The following XPO6 variants were observed in gnomAD, a reference collection of about 807,000 sequenced individuals.
XPO6 encodes exportin-6.
Under a neutral mutation model 130.0 loss-of-function variants are expected in XPO6, and 3 were observed. That is an observed-to-expected ratio of 0.02 (90% CI 0.01 to 0.06). The LOEUF (loss-of-function observed/expected upper bound fraction) is 0.06, where lower values mean the gene tolerates loss of function less well. XPO6 is among the 10% of genes least tolerant of loss of function. The probability of loss-of-function intolerance (pLI) is 1.00; values close to 1 mark genes in which losing one functional copy is unlikely to be tolerated. For synonymous variants in XPO6, 524 were observed against 548.9 expected (o/e 0.95, Z 0.63); for missense variants, 970 against 1,393.0 (o/e 0.70, Z 4.83).
In XPO6 at chr16:28,167,847, C is replaced by T. The variant is rs139359156; in HGVS notation, c.566-1262G>A. 8.9e-3 allele frequency among the ~76,000 whole-genome samples: 1,290 copies of T among 144,538 alleles called. 14 individuals carry two copies. The highest frequency in any genetic ancestry group is 0.024 in the Middle Eastern group (7 of 288). The allele number at this position is 144,538 out of a possible 152,430, so 94.8% of individuals were successfully genotyped here. A position where few individuals can be genotyped will look rare whatever the true frequency, so the allele number is the denominator to read the frequency against. ...CAAAAGATCACATATTGTATGCTTC[C>T]ATTTTTATGAGAATTCCAAAAAAGG... On this transcript the variant is annotated intron_variant, in intron 5 of 23. Transcript: ENST00000304658.
At chr16:28,143,735 C>T (rs1035959641) in intron 9 of XPO6, among the ~76,000 whole-genome samples, 3 of 152,106 alleles carry the variant, frequency 2.0e-5, no homozygotes, top group Non-Finnish European at 4.4e-5. Context: ...CACCCGGGTT[C>T]AGGAGATTCT....
intron 4 of XPO6, among the ~76,000 whole-genome samples, chr16:28,174,955 C>A (rs965678983): frequency 1.3e-5 from 2 of 150,724 alleles, no homozygotes; most frequent in Non-Finnish European, 3.0e-5. Context: ...CTTCTGACTT[C>A]CAAATCCTGA....
In XPO6 at chr16:28,102,321, C is replaced by T. The variant is rs116077718; in HGVS notation, c.2947-376G>A. On this transcript the variant is annotated intron_variant, in intron 21 of 23. Coordinates refer to ENST00000304658, the MANE Select transcript of XPO6 (RefSeq NM_015171.4). ...CCCTCCCTTGCCCTCCTTCTTGCAT[C>T]CCCCGTCTCAAAAGCCACAAGCCCT... is the stretch of plus-strand genomic sequence containing the variant. Among the ~76,000 whole-genome samples the T allele has an allele frequency of 3.3e-3, 508 of 152,292 alleles. 5 individuals carry two copies. Among genetic ancestry groups the T allele is most frequent in the African/African-American group, 0.012 (496 of 41,572 alleles).
Position 28,101,376 on chromosome 16 carries a change from T to C in XPO6, c.3276+82A>G. On this transcript the variant is annotated intron_variant, in intron 23 of 23. Transcript: ENST00000304658. The surrounding 1 kb of genome is among the most constrained non-coding windows in gnomAD (Gnocchi z 5.4). ...CACAGACCACGCCCAGAGGCCTCAA[T>C]GTGCCCCCTCCTTGCTGCACAGGTG... 7.8e-7 allele frequency: 1 copy of C among 1,283,672 alleles called. No individual in the cohort carries two copies. Among genetic ancestry groups the C allele is most frequent in the Non-Finnish European group, 1.1e-6 (1 of 888,762 alleles). 79.5% of individuals were successfully genotyped at this position (1,283,672 alleles called of 1,614,324 possible).
chr16:28,125,636 G>A (rs537233409), intron 13 of XPO6, 53 bp downstream of exon 13: 2 of 1,578,654 alleles, frequency 1.3e-6, no homozygotes, highest in South Asian at 2.3e-5. Context: ...ACACAAGAAG[G>A]TAAAGCTGAA....
intron 20 of XPO6, 67 bp downstream of exon 20, chr16:28,105,976 T>G: frequency 2.5e-6 from 4 of 1,568,768 alleles, no homozygotes; most frequent in Non-Finnish European, 3.5e-6. Context: ...ACATTTTCTG[T>G]GAAATCTCAT....
Position 28,106,570 on chromosome 16 carries a change from T to G in XPO6, c.2498-73A>C. 1 of 1,231,404 alleles carries G rather than the reference T, an allele frequency of 8.1e-7. No homozygotes were observed. Among genetic ancestry groups the G allele is most frequent in the South Asian group, 1.2e-5 (1 of 82,402 alleles). The allele number at this position is 1,231,404 out of a possible 1,614,324, so 76.3% of individuals were successfully genotyped here. A position where few individuals can be genotyped will look rare whatever the true frequency, so the allele number is the denominator to read the frequency against. Reference sequence around the variant, plus strand: ...ACCAGAACCCTGGGCTTCATCAACCTACTCCTGAAATCTGCACTATCAGCT... The same window carrying G: ...ACCAGAACCCTGGGCTTCATCAACCGACTCCTGAAATCTGCACTATCAGCT... On this transcript the variant is annotated intron_variant, in intron 18 of 23. Transcript: ENST00000304658. This position sits in a 1 kb window ranked among gnomAD's most constrained non-coding sequence, Gnocchi z 4.2.
Position 28,211,559 on chromosome 16 carries a change from A to C in XPO6, c.-191T>G, listed in dbSNP as rs988036752. 4.2e-6 allele frequency: 2 copies of C among 473,946 alleles called. No homozygotes were observed. Among genetic ancestry groups the C allele is most frequent in the Non-Finnish European group, 3.5e-6 (1 of 285,068 alleles). 29.4% of individuals were successfully genotyped at this position (473,946 alleles called of 1,614,324 possible). A position where few individuals can be genotyped will look rare whatever the true frequency, so the allele number is the denominator to read the frequency against. On this transcript the variant is annotated 5_prime_UTR_variant, in exon 1 of 24. Coordinates refer to ENST00000304658, the MANE Select transcript of XPO6 (RefSeq NM_015171.4). ...GCCGCCCGGGTCGCCTCATCGGGGG[A>C]CCCCGAGACAATTCATCCAGACCCA...
rs145568622 is a variant in XPO6 at position 28,156,023 on chromosome 16, C to A, written c.1097+51G>T. 42 of 1,543,512 alleles carry A rather than the reference C, an allele frequency of 2.7e-5. No homozygotes were observed. The Admixed American group carries it at 3.0e-4, about 11-fold the overall frequency. The stretch of plus-strand genomic sequence containing the variant: ...ATGCCATGCAGCACAGCATGGTAAA[C>A]AGTCAGGGCCCTTTCTTGGGGCACA... On this transcript the variant is annotated intron_variant, in intron 7 of 23. Transcript: ENST00000304658.
intron 13 of XPO6, 107 bp downstream of exon 13, chr16:28,125,582 A>C: frequency 1.4e-6 from 2 of 1,399,098 alleles, no homozygotes; most frequent in Non-Finnish European, 1.9e-6. Context: ...GCCTAGATTT[A>C]CCCGGGGCCA....
At chr16:28,177,530 GT>G (rs915073009) in intron 2 of XPO6, among the ~76,000 whole-genome samples, 198 bp from the exon 3 acceptor site, 2 of 152,148 alleles carry the variant, frequency 1.3e-5, no homozygotes, top group African/African-American at 4.8e-5. Context: ...CACTGACAAT[GT>G]TTTCAGCCAC....
intron 21 of XPO6, among the ~76,000 whole-genome samples, chr16:28,102,351 G>T (rs181596843): frequency 6.6e-6 from 1 of 152,254 alleles, no homozygotes; most frequent in East Asian, 1.9e-4. Context: ...AGCCCTACAG[G>T]CTCCTTCATG....
chr16:28,188,743 G>A (rs965613774), intron 1 of XPO6, among the ~76,000 whole-genome samples: 4 of 146,890 alleles, frequency 2.7e-5, no homozygotes, highest in Non-Finnish European at 4.5e-5. Context: ...ACACAAGTAT[G>A]AGATGAAATA....
At chr16:28,102,497 G>A (rs1351372781) in intron 21 of XPO6, among the ~76,000 whole-genome samples, 2 of 152,166 alleles carry the variant, frequency 1.3e-5, no homozygotes, top group Non-Finnish European at 2.9e-5. Flanking sequence ...CAGCACTTTG[G>A]GAAGCCGAGG....
At chr16:28,122,048 A>C (rs969956248) in intron 13 of XPO6, among the ~76,000 whole-genome samples, 4 of 152,106 alleles carry the variant, frequency 2.6e-5, no homozygotes, top group African/African-American at 9.7e-5. Context: ...TACAATAAAA[A>C]CCATGCTTAG....
chr16:28,194,536 G>A (rs532108841), intron 1 of XPO6, among the ~76,000 whole-genome samples: 40 of 152,180 alleles, frequency 2.6e-4, no homozygotes, highest in Non-Finnish European at 4.7e-4. Flanking sequence ...ATTAATAAGG[G>A]TAGAGGAGGG....
At chr16:28,183,775 A>G (rs2043653509) in intron 1 of XPO6, among the ~76,000 whole-genome samples, 2 of 152,040 alleles carry the variant, frequency 1.3e-5, no homozygotes, top group African/African-American at 4.8e-5. Context: ...GAAACTAGAG[A>G]CTCATGCCCT....
At chr16:28,155,182 T>C (rs1221886697) in intron 7 of XPO6, among the ~76,000 whole-genome samples, 1 of 152,218 alleles carries the variant, frequency 6.6e-6, no homozygotes, top group African/African-American at 2.4e-5. Flanking sequence ...CTTAATTCTA[T>C]ATAGCTTAAT....
At chr16:28,137,808 TCTC>T (rs1298304137) in intron 9 of XPO6, among the ~76,000 whole-genome samples, 3 of 152,118 alleles carry the variant, frequency 2.0e-5, no homozygotes, top group Non-Finnish European at 4.4e-5. Flanking sequence ...GTATAACTGA[TCTC>T]CTCACCCAGG....
Sources: gnomAD v4.1 joint callset for allele counts (sites outside exome capture counted in the v4.1 genomes callset) on GRCh38, gnomAD v4.1.1 for gene constraint, Gnocchi (gnomAD v3.1) non-coding constraint, MANE v1.5 for transcripts, NCBI Gene and HGNC (gene_info 2026-07-23, HGNC 2026-07-21) for gene names.